NUS1: variants seen among roughly 807,000 people sequenced by gnomAD.
NUS1 encodes the protein NUS1 dehydrodolichyl diphosphate synthase subunit.
For synonymous variants in NUS1, 135 were observed against 155.2 expected (o/e 0.87, Z 0.97); for missense variants, 292 against 382.9 (o/e 0.76, Z 1.98).
intron 3 of NUS1, among the ~76,000 whole-genome samples, chr6:117,694,701 C>T (rs537782448): frequency 1.3e-5 from 2 of 152,136 alleles, no homozygotes; most frequent in South Asian, 4.1e-4. Context: ...CTTTGGTTTG[C>T]ATATTCTGTC....
At chr6:117,676,240 CCTA>C (rs1179313330) in intron 1 of NUS1, among the ~76,000 whole-genome samples, 155 bp downstream of exon 1, 1 of 152,260 alleles carries the variant, frequency 6.6e-6, no homozygotes, top group Non-Finnish European at 1.5e-5. Context: ...TTATTGAACA[CCTA>C]CTAATTCTCT....
chr6:117,706,911 T>C lies in NUS1; in HGVS notation c.792-14T>C. On this transcript the variant is annotated splice_polypyrimidine_tract_variant and intron_variant, in intron 4 of 4. Coordinates refer to ENST00000368494, the MANE Select transcript of NUS1 (RefSeq NM_138459.5). Reference sequence around the variant, plus strand: ...ATATCTAATTGCTTTTCTCCCCCCGTGTTTTCTTTTCAGCTCTTTGCCTTC... The same window carrying C: ...ATATCTAATTGCTTTTCTCCCCCCGCGTTTTCTTTTCAGCTCTTTGCCTTC... The C allele has an allele frequency of 6.2e-7, 1 of 1,607,600 alleles. No individual in the cohort carries two copies.
Position 117,693,149 on chromosome 6 carries a change from A to T in NUS1, c.523A>T (p.Asn175Tyr), listed in dbSNP as rs28362518. 151 of 1,612,708 alleles carry T rather than the reference A, an allele frequency of 9.4e-5. 1 individual carries two copies. In the East Asian group the frequency reaches 3.3e-3, roughly 36 times the overall value. Residue 175 changes from asparagine to tyrosine, a missense_variant, in exon 2 of 5, where the codon AAT (asparagine) becomes TAT (tyrosine). Asn to Tyr is a moderately radical substitution (Grantham distance 143). Transcript: ENST00000368494. ...ATACTCACCAGAATTTGCAAATAGT[A>T]ATGACAAAGATGATCAAGGTAAGCA... ...SKYSPEFANSNDKDDQVLNCH... is the reference protein window; with the variant it reads ...SKYSPEFANSYDKDDQVLNCH...
chr6:117,684,995 A>G (rs1393541271), intron 1 of NUS1, among the ~76,000 whole-genome samples: 4 of 152,240 alleles, frequency 2.6e-5, no homozygotes, highest in South Asian at 4.1e-4. Flanking sequence ...TTGTGTTACA[A>G]TGGTAAGGTT....
At chr6:117,687,468 T>G (rs72951503) in intron 1 of NUS1, among the ~76,000 whole-genome samples, 7,275 of 151,754 alleles carry the variant, frequency 0.048, 193 homozygotes, top group Middle Eastern at 0.12. Context: ...TTTAAATGAG[T>G]GTATGTGGAG....
At position 117,707,172 on chromosome 6, in the gene NUS1, T is replaced by TG. The variant is rs1437028247; in HGVS notation, c.*158dup. ...AAAAAGTGTCTTACTTGAGAGTGAG[T>TG]GTGTGTGTGTGCGTGTGCACGTGCA... On this transcript the variant is annotated 3_prime_UTR_variant, in exon 5 of 5. Transcript: ENST00000368494. 1.6e-6 allele frequency: 1 copy of TG among 608,226 alleles called. No homozygotes were observed. The highest frequency in any genetic ancestry group is 2.9e-6 in the Non-Finnish European group (1 of 343,466). The allele number at this position is 608,226 out of a possible 1,614,324, so 37.7% of individuals were successfully genotyped here.
intron 1 of NUS1, among the ~76,000 whole-genome samples, chr6:117,676,302 G>A (rs908116079): frequency 4.6e-5 from 7 of 152,256 alleles, no homozygotes; most frequent in Non-Finnish European, 1.0e-4. Context: ...CCCTTGGCCG[G>A]GCGCGGTGGC....
At chr6:117,703,296 AC>A (rs1193935267) in intron 3 of NUS1, among the ~76,000 whole-genome samples, 25 of 152,228 alleles carry the variant, frequency 1.6e-4, no homozygotes, top group Non-Finnish European at 5.9e-5. Flanking sequence ...CTTAAAAGAT[AC>A]ATGTGATTTT....
At chr6:117,698,609 C>T (rs1451969205) in intron 3 of NUS1, among the ~76,000 whole-genome samples, 1 of 152,010 alleles carries the variant, frequency 6.6e-6, no homozygotes, top group Non-Finnish European at 1.5e-5. Flanking sequence ...AGAACTAATA[C>T]CAATTCTACT....
chr6:117,685,140 C>G (rs1404701836), intron 1 of NUS1, among the ~76,000 whole-genome samples: 1 of 152,108 alleles, frequency 6.6e-6, no homozygotes, highest in African/African-American at 2.4e-5. Flanking sequence ...CATTTGGCCC[C>G]CAAAATGCAT....
intron 1 of NUS1, among the ~76,000 whole-genome samples, chr6:117,680,789 C>G (rs150868056): frequency 2.0e-4 from 30 of 152,102 alleles, no homozygotes; most frequent in Non-Finnish European, 4.4e-4. Flanking sequence ...TGGAATGATC[C>G]AGAATAAGGC....
At chr6:117,704,431 G>A (rs985106525) in intron 4 of NUS1, among the ~76,000 whole-genome samples, 3 of 152,278 alleles carry the variant, frequency 2.0e-5, no homozygotes, top group East Asian at 3.9e-4. Flanking sequence ...TTTTCAGGCC[G>A]TACAGTCACT....
intron 3 of NUS1, among the ~76,000 whole-genome samples, chr6:117,697,698 C>T (rs1402154494): frequency 6.6e-6 from 1 of 151,538 alleles, no homozygotes; most frequent in African/African-American, 2.4e-5. Context: ...AGAGAGAGAC[C>T]CCAATACAAT....
At chr6:117,695,021 C>G (rs765158607) in intron 3 of NUS1, among the ~76,000 whole-genome samples, 4 of 151,462 alleles carry the variant, frequency 2.6e-5, no homozygotes, top group Non-Finnish European at 5.9e-5. Context: ...ATAGCAAAAC[C>G]CCATCTCTAC....
Position 117,695,193 on chromosome 6 carries a change from C to CAAAAAAAAAAAA in NUS1, c.691+1030_691+1041dup, listed in dbSNP as rs58136219. On this transcript the variant is annotated intron_variant, in intron 3 of 4. Transcript: ENST00000368494. ...TGGGTGACGGAGTGAGACCCTGTCT[C>CAAAAAAAAAAAA]AAAAAAAAAAAAAAAAAAAAAAAAA... Among the ~76,000 whole-genome samples, 77 of 55,240 alleles carry CAAAAAAAAAAAA rather than the reference C, an allele frequency of 1.4e-3. 1 individual carries two copies. Among genetic ancestry groups the CAAAAAAAAAAAA allele is most frequent in the Non-Finnish European group, 1.7e-3 (58 of 34,212 alleles). 36.2% of individuals were successfully genotyped at this position (55,240 alleles called of 152,430 possible). A position where few individuals can be genotyped will look rare whatever the true frequency, so the allele number is the denominator to read the frequency against.
intron 4 of NUS1, among the ~76,000 whole-genome samples, 179 bp downstream of exon 4, chr6:117,703,883 G>A (rs1360115219): frequency 6.6e-6 from 1 of 152,184 alleles, no homozygotes; most frequent in Non-Finnish European, 1.5e-5. Context: ...ACACAAGAGA[G>A]TGTATAGTTG....
At chr6:117,705,806 T>G (rs1261691785) in intron 4 of NUS1, among the ~76,000 whole-genome samples, 2 of 152,176 alleles carry the variant, frequency 1.3e-5, no homozygotes, top group Non-Finnish European at 2.9e-5. Flanking sequence ...TTAGCAAGAA[T>G]AATGCATTAA....
chr6:117,705,484 CACGTA>C (rs1361146213), intron 4 of NUS1, among the ~76,000 whole-genome samples: 3 of 152,256 alleles, frequency 2.0e-5, no homozygotes, highest in East Asian at 1.9e-4. Flanking sequence ...AGATATGAAG[CACGTA>C]ACAGGCTCTT....
rs1772964485 is a variant in NUS1, at chr6:117,675,776, A to T, written c.106A>T (p.Ile36Phe). The T allele has an allele frequency of 7.7e-6, 12 of 1,559,580 alleles. No individual in the cohort carries two copies. Among genetic ancestry groups the T allele is most frequent in the Non-Finnish European group, 1.0e-5 (12 of 1,156,058 alleles). The stretch of plus-strand genomic sequence containing the variant: ...CGTTCGGTTCGGCACCTGGAACTGG[A>T]TCTGGCGGCGCTGCTGCCGCGCCGC... ...LRVRFGTWNW[I>F]WRRCCRAASA... The change falls in exon 1 of 5, where the codon ATC (isoleucine) becomes TTC (phenylalanine). Residue 36 changes from isoleucine (I) to phenylalanine (F), a missense_variant. Coordinates refer to ENST00000368494, the MANE Select transcript of NUS1 (RefSeq NM_138459.5).
Sources: allele counts gnomAD v4.1 joint callset (sites outside exome capture counted in the v4.1 genomes callset), GRCh38; gene constraint gnomAD v4.1.1; transcripts MANE v1.5; gene names NCBI Gene and HGNC (gene_info 2026-07-23, HGNC 2026-07-21).